The following SHTN1 variants were observed in gnomAD, a reference collection of about 807,000 sequenced individuals.
SHTN1 encodes the protein shootin 1.
A neutral mutation model predicts 83.1 loss-of-function variants in SHTN1; 42 were observed. That is an observed-to-expected ratio of 0.51 (90% CI 0.39 to 0.65). The LOEUF is 0.65. Among genes scored for constraint, SHTN1 ranks in the 30% least tolerant of loss-of-function variants. The pLI is 0.00. For missense variants in SHTN1, 622 were observed against 737.8 expected (o/e 0.84, Z 1.82); for synonymous variants, 224 against 247.7 (o/e 0.90, Z 0.90).
chr10:116,926,378 A>G (rs1848742063), intron 11 of SHTN1, among the ~76,000 whole-genome samples: 1 of 152,220 alleles, frequency 6.6e-6, no homozygotes, highest in Non-Finnish European at 1.5e-5. Context: ...TTCCAATTTT[A>G]AATGTCAAAT....
At chr10:117,067,716 G>T (rs1853023068) in intron 1 of SHTN1, among the ~76,000 whole-genome samples, 1 of 152,204 alleles carries the variant, frequency 6.6e-6, no homozygotes, top group Non-Finnish European at 1.5e-5. Context: ...TTAGGAGGTT[G>T]TTGCAGCAAT....
At chr10:116,896,945 T>C (rs1009520533) in intron 16 of SHTN1, among the ~76,000 whole-genome samples, 1 of 152,184 alleles carries the variant, frequency 6.6e-6, no homozygotes, top group Non-Finnish European at 1.5e-5. Flanking sequence ...TAGCTAGGAT[T>C]ACAGGCATGT....
intron 1 of SHTN1, among the ~76,000 whole-genome samples, chr10:117,074,639 T>C (rs760501215): frequency 6.6e-6 from 1 of 152,174 alleles, no homozygotes; most frequent in Non-Finnish European, 1.5e-5. Context: ...TCCAGAACAA[T>C]ACAGAATTAC....
chr10:117,028,899 C>T (rs1589902326), intron 2 of SHTN1, among the ~76,000 whole-genome samples: 1 of 152,288 alleles, frequency 6.6e-6, no homozygotes, highest in East Asian at 1.9e-4. Flanking sequence ...ATGCAGAGCC[C>T]CCACTGAGGC....
rs558770084 is a variant in SHTN1 at position 117,039,350 on chromosome 10, G to T, written c.-123+9095C>A. Among the ~76,000 whole-genome samples, 29 of 152,274 alleles carry T rather than the reference G, an allele frequency of 1.9e-4. No homozygotes were observed. In the South Asian group the frequency reaches 5.8e-3, roughly 30 times the overall value. ...GGGTGGTGAGGGATGAATAGGCAGA[G>T]CATAGAGGATTTTTAGGGCAGGGAC... On this transcript the variant is annotated intron_variant, in intron 2 of 17. Transcript: ENST00000392901.
At chr10:116,942,025 T>C (rs924140440) in intron 8 of SHTN1, among the ~76,000 whole-genome samples, 6 of 152,182 alleles carry the variant, frequency 3.9e-5, no homozygotes, top group African/African-American at 1.4e-4. Context: ...TTCTTCCATT[T>C]GTGTGAGAGT....
chr10:117,017,477 C>T (rs537099462), intron 2 of SHTN1, among the ~76,000 whole-genome samples: 44 of 119,514 alleles, frequency 3.7e-4, no homozygotes, highest in African/African-American at 1.3e-3. Flanking sequence ...GGCGACAGAG[C>T]GAGACTCCGT....
At chr10:116,888,231 G>A (rs1371002196) in intron 16 of SHTN1, among the ~76,000 whole-genome samples, 3 of 152,206 alleles carry the variant, frequency 2.0e-5, no homozygotes, top group East Asian at 1.9e-4. Context: ...CCTTGGCCAA[G>A]GAACTACTTC....
intron 1 of SHTN1, among the ~76,000 whole-genome samples, chr10:117,064,487 C>T (rs1852944195): frequency 6.6e-6 from 1 of 152,020 alleles, no homozygotes; most frequent in Admixed American, 6.6e-5. Context: ...AACTCCGTCT[C>T]TACTAAAAAT....
chr10:117,008,606 G>C (rs779258867), upstream of SHTN1, among the ~76,000 whole-genome samples: 1 of 152,160 alleles, frequency 6.6e-6, no homozygotes, highest in Non-Finnish European at 1.5e-5. Context: ...ACCAGATATT[G>C]TATGATTGCA....
chr10:116,928,884 A>AG (rs1848846906), intron 10 of SHTN1, among the ~76,000 whole-genome samples: 1 of 152,206 alleles, frequency 6.6e-6, no homozygotes, highest in South Asian at 2.1e-4. Context: ...CACACACAGC[A>AG]GATAATAAGT....
chr10:117,049,819 G>A (rs79393635), intron 1 of SHTN1, among the ~76,000 whole-genome samples: 1 of 152,224 alleles, frequency 6.6e-6, no homozygotes, highest in African/African-American at 2.4e-5. Context: ...ATGTTTTTCG[G>A]TATGAAAATA....
intron 1 of SHTN1, among the ~76,000 whole-genome samples, chr10:117,112,745 C>A (rs767988070): frequency 2.0e-5 from 3 of 152,192 alleles, no homozygotes; most frequent in South Asian, 2.1e-4. Flanking sequence ...ATTAAAATTT[C>A]TCTTCCTAAC....
rs1159139889 is a variant in SHTN1 at position 117,049,376 on chromosome 10, C to CA, written c.-188-867dup. Among the ~76,000 whole-genome samples the CA allele has an allele frequency of 2.3e-3, 342 of 149,064 alleles. 2 individuals carry two copies. The highest frequency in any genetic ancestry group is 0.014 in the Middle Eastern group (4 of 286). ...GAAAAAAACAAACAAACAACAACAA[C>CA]AACAAAAAAAACAAAAAACCTCATA... On this transcript the variant is annotated intron_variant, in intron 1 of 17. Transcript: ENST00000392901.
chr10:117,112,939 A>G lies in SHTN1; in HGVS notation c.-189+13368T>C, dbSNP rs145408775. 3.9e-3 allele frequency among the ~76,000 whole-genome samples: 597 copies of G among 152,234 alleles called. 4 individuals carry two copies. The highest frequency in any genetic ancestry group is 0.014 in the African/African-American group (560 of 41,480). On this transcript the variant is annotated intron_variant, in intron 1 of 17. Coordinates refer to the SHTN1 transcript ENST00000392901. The stretch of plus-strand genomic sequence containing the variant: ...CTTTTCCTCTAAAAATTAAAGTAAT[A>G]TATTTTTTAATCTCCCCTGGAATGC...
chr10:116,937,204 T>C (rs1006639870), intron 9 of SHTN1, among the ~76,000 whole-genome samples: 1 of 152,194 alleles, frequency 6.6e-6, no homozygotes, highest in African/African-American at 2.4e-5. Flanking sequence ...ATCCTGTCAT[T>C]ATGATGCTAG....
rs74997888 is a variant in SHTN1, at chr10:116,963,775, G to A, written c.173-3545C>T. ...TGGGGATTCGTTAAATTATTTTCCCGCCTTTGCATCACTTTGAAATTTTTC... is the reference window on the plus strand; with the variant it reads ...TGGGGATTCGTTAAATTATTTTCCCACCTTTGCATCACTTTGAAATTTTTC... On this transcript the variant is annotated intron_variant, in intron 3 of 16. Coordinates refer to ENST00000355371, the MANE Select transcript of SHTN1 (RefSeq NM_001127211.3). 4.7e-3 allele frequency among the ~76,000 whole-genome samples: 708 copies of A among 152,176 alleles called. 3 individuals carry two copies. Among genetic ancestry groups the A allele is most frequent in the Non-Finnish European group, 7.7e-3 (524 of 68,010 alleles).
chr10:116,946,687 A>G (rs918015598), intron 7 of SHTN1, among the ~76,000 whole-genome samples: 1 of 145,560 alleles, frequency 6.9e-6, no homozygotes, highest in African/African-American at 2.5e-5. Flanking sequence ...ATTTATATAT[A>G]TAATATATAT....
At chr10:117,115,593 G>C (rs1447159881) in intron 1 of SHTN1, among the ~76,000 whole-genome samples, 1 of 152,178 alleles carries the variant, frequency 6.6e-6, no homozygotes, top group Non-Finnish European at 1.5e-5. Flanking sequence ...ACTACTGCAA[G>C]TCTCCAAACA....
Sources: allele counts gnomAD v4.1 joint callset (sites outside exome capture counted in the v4.1 genomes callset), GRCh38; gene constraint gnomAD v4.1.1; transcripts MANE v1.5; gene names NCBI Gene and HGNC (gene_info 2026-07-23, HGNC 2026-07-21).